The following PLS3 variants were observed in gnomAD, a reference collection of about 807,000 sequenced individuals.
The protein encoded by PLS3 is plastin-3.
PLS3 carries 11 observed loss-of-function variants against 46.5 expected under a neutral mutation model. The observed-to-expected ratio is 0.24, with a 90% confidence interval of 0.15 to 0.39. The LOEUF is 0.39. PLS3 is among the 10% of genes least tolerant of loss of function. The pLI is 1.00. For missense variants in PLS3, 308 were observed against 461.8 expected (o/e 0.67, Z 3.05); for synonymous variants, 167 against 162.2 (o/e 1.03, Z -0.22).
intron 1 of PLS3, among the ~76,000 whole-genome samples, chrX:115,598,137 C>CA (rs2074407114): frequency 9.2e-6 from 1 of 108,975 alleles, no homozygotes; most frequent in Non-Finnish European, 1.9e-5. Flanking sequence ...CCCATCTCTC[C>CA]AAAAAATACA....
chrX:115,582,653 G>A (rs1254259594), intron 1 of PLS3, among the ~76,000 whole-genome samples: 1 of 112,041 alleles, frequency 8.9e-6, no homozygotes, highest in Non-Finnish European at 1.9e-5. Context: ...TTCTGTGTTG[G>A]GCCAGACTTA....
intron 1 of PLS3, among the ~76,000 whole-genome samples, chrX:115,573,221 T>C (rs781941900): frequency 9.0e-6 from 1 of 111,605 alleles, no homozygotes; most frequent in African/African-American, 3.2e-5. Context: ...AATTCACTTA[T>C]AACCCAATAT....
At chrX:115,618,118 A>T (rs1240322453) in intron 2 of PLS3, among the ~76,000 whole-genome samples, 1 of 111,840 alleles carries the variant, frequency 8.9e-6, no homozygotes, top group African/African-American at 3.3e-5. Context: ...AACCTAATAC[A>T]AATAGGCAGC....
At position 115,628,634 on chromosome X, in the gene PLS3, A is replaced by G. The variant is rs782450345; in HGVS notation, c.238-564A>G. Among the ~76,000 whole-genome samples, 4 of 112,017 alleles carry G rather than the reference A, an allele frequency of 3.6e-5. No homozygotes were observed. In the South Asian group the frequency reaches 1.1e-3, roughly 31 times the overall value. On this transcript the variant is annotated intron_variant, in intron 3 of 15. Coordinates refer to ENST00000355899, the MANE Select transcript of PLS3 (RefSeq NM_005032.7). ...GAAGCTGGACTTCATAAATGCCCCA[A>G]TAAGACAATCACTGAAAAGCCTCTT... is the stretch of plus-strand genomic sequence containing the variant.
At chrX:115,635,420 T>G (rs989560005) in intron 7 of PLS3, among the ~76,000 whole-genome samples, 3 of 109,665 alleles carry the variant, frequency 2.7e-5, no homozygotes, top group African/African-American at 9.9e-5. Context: ...AGGGTCTCAC[T>G]CTGTCACCCA....
intron 3 of PLS3, among the ~76,000 whole-genome samples, chrX:115,626,027 G>A (rs944283149): frequency 8.9e-6 from 1 of 112,173 alleles, no homozygotes; most frequent in Non-Finnish European, 1.9e-5. Context: ...CTTGTGGAGA[G>A]AAAACAGCAC....
At chrX:115,614,279 T>C in intron 2 of PLS3, 1 of 750,873 alleles carries the variant, frequency 1.3e-6, no homozygotes, top group Non-Finnish European at 1.6e-6. Context: ...TACACACATG[T>C]ATTTTTAAAA....
intron 2 of PLS3, among the ~76,000 whole-genome samples, chrX:115,611,497 T>C (rs1337505242): frequency 9.0e-6 from 1 of 111,579 alleles, no homozygotes; most frequent in East Asian, 2.8e-4. Flanking sequence ...TCTCATTCAG[T>C]CAAAATAGTC....
chrX:115,607,295 A>C (rs868909832), intron 1 of PLS3, among the ~76,000 whole-genome samples: 1 of 80,588 alleles, frequency 1.2e-5, no homozygotes, highest in Non-Finnish European at 2.5e-5. Context: ...AACAAAAAAA[A>C]AACCCACAAA....
chrX:115,639,656 G>T (rs971314353), intron 8 of PLS3: 3 of 316,317 alleles, frequency 9.5e-6, no homozygotes, highest in Non-Finnish European at 1.8e-5. Flanking sequence ...TTCCAAAGAT[G>T]CAGGAATTTA....
At chrX:115,639,696 G>A (rs1198015311) in intron 8 of PLS3, 2 of 331,498 alleles carry the variant, frequency 6.0e-6, no homozygotes, top group East Asian at 9.6e-5. Flanking sequence ...TTCTTAATAA[G>A]CGTTTGTGCA....
intron 7 of PLS3, among the ~76,000 whole-genome samples, chrX:115,636,408 G>T (rs1311518582): frequency 9.0e-6 from 1 of 110,550 alleles, no homozygotes; most frequent in African/African-American, 3.3e-5. Flanking sequence ...GGGTTTCAGC[G>T]TGTTAGCCAG....
chrX:115,587,713 C>T (rs1323642645), intron 1 of PLS3, among the ~76,000 whole-genome samples: 3 of 100,586 alleles, frequency 3.0e-5, no homozygotes, highest in East Asian at 3.1e-4. Flanking sequence ...CCAGCCTGGG[C>T]GACAGAGCGA....
At chrX:115,568,006 T>G (rs781794476) in intron 1 of PLS3, among the ~76,000 whole-genome samples, 129 of 112,041 alleles carry the variant, frequency 1.2e-3, no homozygotes, top group African/African-American at 3.8e-3. Context: ...AGATTGACAT[T>G]CTGCTGTTGA....
intron 1 of PLS3, among the ~76,000 whole-genome samples, chrX:115,596,855 T>C (rs1166659036): frequency 9.7e-6 from 1 of 103,572 alleles, no homozygotes; most frequent in Non-Finnish European, 2.0e-5. Flanking sequence ...AATAATAATA[T>C]AAAATAAGGC....
intron 2 of PLS3, chrX:115,610,883 C>A: frequency 9.4e-7 from 1 of 1,061,605 alleles, no homozygotes; most frequent in African/African-American, 1.8e-5. Flanking sequence ...TATCCTTTAT[C>A]ATCATATAAC....
At chrX:115,565,832 C>T (rs2074168261) in intron 1 of PLS3, among the ~76,000 whole-genome samples, 1 of 111,747 alleles carries the variant, frequency 8.9e-6, no homozygotes, top group Admixed American at 9.6e-5. Context: ...GTGCATTAAG[C>T]CTACTGATTT....
chrX:115,619,658 T>G (rs1305644662), intron 2 of PLS3, among the ~76,000 whole-genome samples: 1 of 112,900 alleles, frequency 8.9e-6, no homozygotes, highest in Non-Finnish European at 1.9e-5. Context: ...AAAGGAAATC[T>G]AAGTGATTTT....
chrX:115,591,090 G>A (rs1603225842), intron 1 of PLS3, among the ~76,000 whole-genome samples: 1 of 110,229 alleles, frequency 9.1e-6, no homozygotes. Flanking sequence ...AGTGAGCCAC[G>A]ATCCCGCCAC....
Sources: allele counts gnomAD v4.1 joint callset (sites outside exome capture counted in the v4.1 genomes callset), GRCh38; gene constraint gnomAD v4.1.1; transcripts MANE v1.5; gene names NCBI Gene and HGNC (gene_info 2026-07-23, HGNC 2026-07-21).